Variants in GC observed in about 807,000 individuals in gnomAD.
GC encodes GC vitamin D binding protein.
A neutral mutation model predicts 56.7 loss-of-function variants in GC; 43 were observed. That is an observed-to-expected ratio of 0.76 (90% CI 0.59 to 0.98). GC has a LOEUF of 0.98. GC is among the 50% of genes least tolerant of loss of function. The probability of loss-of-function intolerance (pLI) is 0.00; values close to 1 mark genes in which losing one functional copy is unlikely to be tolerated. For missense variants in GC, 529 were observed against 545.9 expected, an observed-to-expected ratio of 0.97 and a Z score of 0.31; for synonymous variants, 216 against 202.7, an observed-to-expected ratio of 1.07 and a Z score of -0.56.
intron 1 of GC, among the ~76,000 whole-genome samples, chr4:71,795,540 C>T (rs1321889163): frequency 2.0e-5 from 3 of 152,112 alleles, no homozygotes; most frequent in Admixed American, 6.5e-5. Context: ...TATTTTGAGC[C>T]AATGTGTGTC....
chr4:71,766,787 C>T (rs1047036699), intron 3 of GC, among the ~76,000 whole-genome samples: 2 of 152,054 alleles, frequency 1.3e-5, no homozygotes, highest in African/African-American at 2.4e-5. Flanking sequence ...ATTCATTTCC[C>T]TGGCAACCCT....
intron 6 of GC, among the ~76,000 whole-genome samples, chr4:71,760,377 C>T (rs182506548): frequency 2.3e-3 from 356 of 151,884 alleles, no homozygotes; most frequent in Middle Eastern, 0.02. Context: ...ATTCCCATTA[C>T]GGAAGCTTAT....
At chr4:71,761,311 T>C (rs1741967398) in intron 6 of GC, among the ~76,000 whole-genome samples, 1 of 152,132 alleles carries the variant, frequency 6.6e-6, no homozygotes, top group African/African-American at 2.4e-5. Flanking sequence ...AACTTTGAAC[T>C]TGAGGAAAAT....
At chr4:71,742,802 G>A (rs552248612) in intron 12 of GC, among the ~76,000 whole-genome samples, 2 of 152,244 alleles carry the variant, frequency 1.3e-5, no homozygotes, top group South Asian at 2.1e-4. Flanking sequence ...GTGAAACCCC[G>A]TCTCTACTAA....
At chr4:71,799,594 A>G (rs1046327678) in intron 1 of GC, among the ~76,000 whole-genome samples, 1 of 152,176 alleles carries the variant, frequency 6.6e-6, no homozygotes, top group Non-Finnish European at 1.5e-5. Flanking sequence ...TTCCCCCTCC[A>G]CTGAGTACTC....
chr4:71,769,584 T>C (rs1742280951), intron 1 of GC, 184 bp from the exon 2 acceptor site: 8 of 543,030 alleles, frequency 1.5e-5, no homozygotes, highest in Non-Finnish European at 2.3e-5. Context: ...CACAATTTTA[T>C]GACATTCTGT....
At position 71,758,048 on chromosome 4, in the gene GC, G is replaced by A. The variant is rs374914389; in HGVS notation, c.825C>T (p.Ala275=). 2 of 1,612,884 alleles carry A rather than the reference G, an allele frequency of 1.2e-6. No homozygotes were observed. Among genetic ancestry groups the A allele is most frequent in the Non-Finnish European group, 1.7e-6 (2 of 1,179,288 alleles). ...CCESASEDCM[A]KELPEHTVKL... is the part of the protein sequence containing the mutation. ...ATAATAAAGCTTGTCTTACCTCTTT[G>A]GCCATGCAATCTTCAGAGGCAGACT... The change falls in exon 7 of 13, where the codon GCC becomes GCT. Residue 275 remains alanine, a synonymous_variant. Coordinates refer to ENST00000273951, the MANE Select transcript of GC (RefSeq NM_000583.4).
chr4:71,796,561 A>C (rs1346679767), intron 1 of GC, among the ~76,000 whole-genome samples: 1 of 152,166 alleles, frequency 6.6e-6, no homozygotes, highest in East Asian at 1.9e-4. Context: ...TTAGCCATTC[A>C]TCTAACCTTT....
chr4:71,784,233 A>C (rs929285263), upstream of GC: 2 of 1,249,912 alleles, frequency 1.6e-6, no homozygotes, highest in African/African-American at 3.1e-5. Context: ...AATCAAGGTA[A>C]ATAGACACCC....
intron 12 of GC, among the ~76,000 whole-genome samples, chr4:71,742,439 A>G (rs983005125): frequency 6.6e-6 from 1 of 152,178 alleles, no homozygotes; most frequent in African/African-American, 2.4e-5. Flanking sequence ...CAACGAGTTT[A>G]TGCTTTGGAG....
At chr4:71,784,187 C>T (rs910381780), upstream of GC, 4 of 1,305,534 alleles carry the variant, frequency 3.1e-6, no homozygotes, top group Non-Finnish European at 3.9e-6. Context: ...AAGCAAGGGG[C>T]TGTTATCTTT....
At chr4:71,766,576 C>T (rs958951768) in intron 3 of GC, among the ~76,000 whole-genome samples, 2 of 152,138 alleles carry the variant, frequency 1.3e-5, no homozygotes, top group East Asian at 1.9e-4. Context: ...CATTCTTATA[C>T]TTAATTTATA....
chr4:71,804,200 G>A (rs1324498753), upstream of GC, among the ~76,000 whole-genome samples: 1 of 152,174 alleles, frequency 6.6e-6, no homozygotes, highest in Non-Finnish European at 1.5e-5. Context: ...TAGGAGATTG[G>A]CTGGCATTAG....
chr4:71,771,865 C>T (rs1384017691), intron 1 of GC, among the ~76,000 whole-genome samples: 1 of 152,122 alleles, frequency 6.6e-6, no homozygotes, highest in Non-Finnish European at 1.5e-5. Flanking sequence ...AGGGCTAGAA[C>T]TGTCCTCATG....
intron 12 of GC, among the ~76,000 whole-genome samples, chr4:71,742,988 G>A (rs1026253860): frequency 2.0e-5 from 3 of 152,012 alleles, no homozygotes; most frequent in Non-Finnish European, 4.4e-5. Flanking sequence ...TGGGCAGGGT[G>A]GGGGGTAAGA....
chr4:71,778,891 G>GTTATTATTA (rs149876631), intron 1 of GC, among the ~76,000 whole-genome samples: 10,298 of 143,204 alleles, frequency 0.072, 804 homozygotes, highest in African/African-American at 0.19. Context: ...ATTGCTGTCA[G>GTTATTATTA]TTATTATTAT....
rs549362316 is a variant in GC, at chr4:71,792,367, G to A, written c.22-8313C>T. 3.8e-4 allele frequency among the ~76,000 whole-genome samples: 58 copies of A among 152,260 alleles called. 1 individual carries two copies. In the East Asian group the frequency reaches 8.3e-3, roughly 22 times the overall value. On this transcript the variant is annotated intron_variant, in intron 1 of 13. Coordinates refer to the GC transcript ENST00000504199. ...TTTAATGATCACCATTCTAACTGGC[G>A]TGAGATGGTATCTCATTGTGGTTTT...
intron 1 of GC, among the ~76,000 whole-genome samples, chr4:71,790,093 A>T (rs894311095): frequency 6.6e-6 from 1 of 151,970 alleles, no homozygotes; most frequent in Non-Finnish European, 1.5e-5. Context: ...TATCTTTCTG[A>T]TAAGTTATTC....
chr4:71,764,094 G>T lies in GC; in HGVS notation c.474-158C>A, dbSNP rs377688959. ...CCTCCTGGCCTCAAGCGATCCTCCTGCTTCAGCTTCCTGAGTAGCTGGGAC... is the reference window on the plus strand; with the variant it reads ...CCTCCTGGCCTCAAGCGATCCTCCTTCTTCAGCTTCCTGAGTAGCTGGGAC... On this transcript the variant is annotated intron_variant, in intron 4 of 12. Transcript: ENST00000273951. Among the ~76,000 whole-genome samples the T allele has an allele frequency of 2.6e-5, 4 of 152,272 alleles. 1 individual carries two copies. The South Asian group carries it at 8.3e-4, about 32-fold the overall frequency.
Sources: allele counts gnomAD v4.1 joint callset (sites outside exome capture counted in the v4.1 genomes callset), GRCh38; gene constraint gnomAD v4.1.1; transcripts MANE v1.5; gene names NCBI Gene and HGNC (gene_info 2026-07-23, HGNC 2026-07-21).